PCDHA13: variants seen among roughly 807,000 people sequenced by gnomAD.
The protein encoded by PCDHA13 is protocadherin alpha 13.
A neutral mutation model predicts 64.8 loss-of-function variants in PCDHA13; 54 were observed. The observed-to-expected ratio is 0.83, with a 90% CI of 0.67 to 1.04. PCDHA13 has a LOEUF of 1.04. Among genes scored for constraint, PCDHA13 ranks in the 50% least tolerant of loss-of-function variants. PCDHA13 has a pLI of 0.00. For synonymous variants in PCDHA13, 587 were observed against 564.4 expected (o/e 1.04, Z -0.57); for missense variants, 1,248 against 1,254.3 (o/e 0.99, Z 0.08).
chr5:140,989,373 C>G (rs1189877807), intron 3 of PCDHA13, among the ~76,000 whole-genome samples: 1 of 152,088 alleles, frequency 6.6e-6, no homozygotes, highest in Non-Finnish European at 1.5e-5. Flanking sequence ...TGACTGAGAG[C>G]TTTGTGGGAA....
At chr5:140,966,836 C>T in intron 1 of PCDHA13, 1 of 1,565,250 alleles carries the variant, frequency 6.4e-7, no homozygotes, top group Non-Finnish European at 8.6e-7. Context: ...GCCCTGGCTG[C>T]TGCTACTGCC....
At chr5:140,999,755 A>G (rs932293037) in intron 3 of PCDHA13, among the ~76,000 whole-genome samples, 1 of 152,168 alleles carries the variant, frequency 6.6e-6, no homozygotes, top group South Asian at 2.1e-4. Context: ...TTCGCAGCAC[A>G]TGATGTCTTT....
Position 140,914,628 on chromosome 5 carries a change from G to A in PCDHA13, c.2394+29966G>A, listed in dbSNP as rs540654869. 1.3e-4 allele frequency among the ~76,000 whole-genome samples: 19 copies of A among 151,834 alleles called. No homozygotes were observed. The South Asian group carries it at 1.7e-3, about 13-fold the overall frequency. ...CTGCCATTTTGTAATTTGTTTTCTC[G>A]TGGTTTCATGGTCATCTCTCCCTTC... is the stretch of plus-strand genomic sequence containing the variant. On this transcript the variant is annotated intron_variant, in intron 1 of 3. Transcript: ENST00000289272.
At chr5:140,885,176 G>A (rs965470861) in intron 1 of PCDHA13, among the ~76,000 whole-genome samples, 1 of 151,510 alleles carries the variant, frequency 6.6e-6, no homozygotes. Context: ...TGTCCTCTAG[G>A]CACATCAGTG....
chr5:140,901,459 C>G (rs528238941), intron 1 of PCDHA13, among the ~76,000 whole-genome samples: 1 of 152,160 alleles, frequency 6.6e-6, no homozygotes, highest in South Asian at 2.1e-4. Flanking sequence ...CACAGACTGT[C>G]TTTTCTCGAG....
intron 1 of PCDHA13, among the ~76,000 whole-genome samples, chr5:140,897,257 T>C (rs1554187284): frequency 6.6e-6 from 1 of 151,916 alleles, no homozygotes; most frequent in Non-Finnish European, 1.5e-5. Context: ...TATGTATACA[T>C]GTGCCATGCT....
chr5:140,934,709 C>T (rs991669354), intron 1 of PCDHA13, among the ~76,000 whole-genome samples: 2 of 152,084 alleles, frequency 1.3e-5, no homozygotes, highest in Non-Finnish European at 1.5e-5. Flanking sequence ...GGCCATCTTA[C>T]AAAAAGGACC....
intron 3 of PCDHA13, among the ~76,000 whole-genome samples, chr5:140,994,608 G>C (rs1231327885): frequency 1.3e-5 from 2 of 152,098 alleles, no homozygotes; most frequent in Admixed American, 1.3e-4. Context: ...GGGAGGCTGA[G>C]GCACGAGAGT....
intron 1 of PCDHA13, among the ~76,000 whole-genome samples, chr5:140,909,116 T>C (rs1273091505): frequency 6.6e-6 from 1 of 152,182 alleles, no homozygotes; most frequent in African/African-American, 2.4e-5. Context: ...ATCAGCAAAA[T>C]GTCATCAAGG....
At chr5:140,927,527 C>G in intron 1 of PCDHA13, 1 of 1,614,084 alleles carries the variant, frequency 6.2e-7, no homozygotes, top group African/African-American at 1.3e-5. Context: ...GGGCTACCTG[C>G]CCGCTCAGGA....
intron 1 of PCDHA13, among the ~76,000 whole-genome samples, chr5:140,909,495 G>A (rs532080413): frequency 7.2e-5 from 11 of 152,278 alleles, no homozygotes; most frequent in African/African-American, 2.6e-4. Context: ...AGCTGAACGG[G>A]GATGTGGTGG....
chr5:140,946,980 T>G (rs757011315), intron 1 of PCDHA13, among the ~76,000 whole-genome samples: 4 of 151,702 alleles, frequency 2.6e-5, no homozygotes, highest in Non-Finnish European at 5.9e-5. Context: ...AATAGAGGAT[T>G]TTGAGTGTTC....
At chr5:140,981,001 C>A (rs2096914160) in intron 2 of PCDHA13, among the ~76,000 whole-genome samples, 1 of 151,906 alleles carries the variant, frequency 6.6e-6, no homozygotes, top group Non-Finnish European at 1.5e-5. Flanking sequence ...CTAGTAGGAT[C>A]CAGGAACACT....
At chr5:140,920,329 G>A (rs556077448) in intron 1 of PCDHA13, among the ~76,000 whole-genome samples, 8 of 152,080 alleles carry the variant, frequency 5.3e-5, no homozygotes, top group South Asian at 4.2e-4. Flanking sequence ...TATATTTATG[G>A]CATTTCTTAT....
intron 3 of PCDHA13, among the ~76,000 whole-genome samples, chr5:140,994,938 C>T (rs2097656507): frequency 6.6e-6 from 1 of 152,232 alleles, no homozygotes; most frequent in East Asian, 1.9e-4. Context: ...CCTTAAACAT[C>T]CTGCTAAATA....
intron 1 of PCDHA13, among the ~76,000 whole-genome samples, chr5:140,952,443 C>T (rs1264311770): frequency 6.6e-6 from 1 of 152,128 alleles, no homozygotes; most frequent in East Asian, 1.9e-4. Flanking sequence ...AGGCATAATA[C>T]AGCCAGGCTC....
chr5:140,946,611 AATAT>A (rs1554217734), intron 1 of PCDHA13, among the ~76,000 whole-genome samples: 10 of 86,794 alleles, frequency 1.2e-4, no homozygotes, highest in Admixed American at 4.7e-4. Flanking sequence ...GAAAATGTGA[AATAT>A]ATATATATAT....
intron 1 of PCDHA13, among the ~76,000 whole-genome samples, chr5:140,886,184 G>T (rs894479887): frequency 6.6e-6 from 1 of 151,966 alleles, no homozygotes; most frequent in Admixed American, 6.6e-5. Flanking sequence ...GCCTAATGCT[G>T]GCAAGCAGTA....
At chr5:140,886,555 C>T (rs1441725788) in intron 1 of PCDHA13, among the ~76,000 whole-genome samples, 3 of 151,830 alleles carry the variant, frequency 2.0e-5, no homozygotes, top group Non-Finnish European at 4.4e-5. Context: ...CAGCTGGGCA[C>T]GGTGGCTCAC....
Sources: allele counts gnomAD v4.1 joint callset (sites outside exome capture counted in the v4.1 genomes callset), GRCh38; gene constraint gnomAD v4.1.1; transcripts MANE v1.5; gene names NCBI Gene and HGNC (gene_info 2026-07-23, HGNC 2026-07-21).